RBFOX3: variants seen among roughly 807,000 people sequenced by gnomAD.
The protein encoded by RBFOX3 is RNA binding fox-1 homolog 3.
A neutral mutation model predicts 48.7 loss-of-function variants in RBFOX3; 17 were observed. The observed-to-expected ratio is 0.35, with a 90% CI of 0.24 to 0.52. The LOEUF (loss-of-function observed/expected upper bound fraction) is 0.52. RBFOX3 is among the 20% of genes least tolerant of loss of function. RBFOX3 has a pLI of 0.94. For synonymous variants in RBFOX3, 212 were observed against 209.5 expected, an observed-to-expected ratio of 1.01 and a Z score of -0.10; for missense variants, 382 against 497.5, an observed-to-expected ratio of 0.77 and a Z score of 2.21.
the RBFOX3 span, among the ~76,000 whole-genome samples, chr17:79,634,098 C>T: frequency 6.6e-6 from 1 of 152,224 alleles, no homozygotes; most frequent in Non-Finnish European, 1.5e-5. Flanking sequence ...GCATCCCATC[C>T]AGAGGTGGGA....
rs1001086577 is a variant in RBFOX3 at position 79,195,402 on chromosome 17, GA to G, written c.-34+40363del. 4.8e-4 allele frequency among the ~76,000 whole-genome samples: 70 copies of G among 144,944 alleles called. 1 individual carries two copies. The highest frequency in any genetic ancestry group is 1.0e-3 in the African/African-American group (40 of 39,706). On this transcript the variant is annotated intron_variant, in intron 4 of 14. Coordinates refer to ENST00000693108, the MANE Select transcript of RBFOX3 (RefSeq NM_001350451.2). This position sits in a 1 kb window ranked among gnomAD's most constrained non-coding sequence, Gnocchi z 5.3. ...GGGTGACAGAGTGAGACTCCATCTT[GA>G]AAAAAAAAAAGAAGAAGAAGAAATG...
chr17:79,463,200 T>TCGCCAC (rs1568294503), intron 2 of RBFOX3, among the ~76,000 whole-genome samples: 2 of 46,622 alleles, frequency 4.3e-5, no homozygotes. Flanking sequence ...GCCACCGCCA[T>TCGCCAC]CGCCACTGCC....
intron 3 of RBFOX3, among the ~76,000 whole-genome samples, chr17:79,282,019 G>T (rs759271644): frequency 1.3e-5 from 2 of 152,206 alleles, no homozygotes; most frequent in Non-Finnish European, 2.9e-5. Context: ...AACACTGAGG[G>T]GGCAGGGGAT....
Position 79,392,377 on chromosome 17 carries a change from G to A in RBFOX3, c.-174-84553C>T, listed in dbSNP as rs1218566054. ...TGATTTCACCGTCTTTCATTGTGGA[G>A]TTGTGAAGATTCATAAGCTAACTCT... is the stretch of plus-strand genomic sequence containing the variant. On this transcript the variant is annotated intron_variant, in intron 2 of 14. Coordinates refer to ENST00000693108, the MANE Select transcript of RBFOX3 (RefSeq NM_001350451.2). The surrounding 1 kb of genome is among the most constrained non-coding windows in gnomAD (Gnocchi z 5.0). 6.6e-6 allele frequency among the ~76,000 whole-genome samples: 1 copy of A among 152,212 alleles called. No individual in the cohort carries two copies. Among genetic ancestry groups the A allele is most frequent in the Non-Finnish European group, 1.5e-5 (1 of 68,046 alleles).
chr17:79,326,881 C>T (rs1201296367), intron 2 of RBFOX3, among the ~76,000 whole-genome samples: 1 of 152,252 alleles, frequency 6.6e-6, no homozygotes, highest in East Asian at 1.9e-4. Context: ...CTGAACCTGA[C>T]CACAGCCCAC....
chr17:79,520,991 C>G (rs1411684135), intron 1 of RBFOX3, among the ~76,000 whole-genome samples: 10 of 152,226 alleles, frequency 6.6e-5, no homozygotes, highest in African/African-American at 1.2e-4. Context: ...CAAGCCCTCC[C>G]GAGCAGGGAG....
At chr17:79,130,485 G>T (rs1482843265) in intron 4 of RBFOX3, among the ~76,000 whole-genome samples, 1 of 152,258 alleles carries the variant, frequency 6.6e-6, no homozygotes, top group Non-Finnish European at 1.5e-5. Context: ...TGTGGTCCCT[G>T]CCACCGCCCT....
intron 4 of RBFOX3, among the ~76,000 whole-genome samples, chr17:79,165,877 T>G (rs911291898): frequency 2.0e-5 from 3 of 152,110 alleles, no homozygotes; most frequent in African/African-American, 7.2e-5. Context: ...GCCCTGAGAT[T>G]GTGGGCATTC....
chr17:79,344,383 C>T (rs1253871337), intron 2 of RBFOX3, among the ~76,000 whole-genome samples: 1 of 152,074 alleles, frequency 6.6e-6, no homozygotes, highest in African/African-American at 2.4e-5. Flanking sequence ...CAAACAACCT[C>T]CGGCGATTCT....
chr17:79,455,591 ACACACG>A (rs1216332117), intron 2 of RBFOX3, among the ~76,000 whole-genome samples: 1 of 152,150 alleles, frequency 6.6e-6, no homozygotes, highest in Non-Finnish European at 1.5e-5. Context: ...GTGCACACAC[ACACACG>A]CACGCAGTCA....
the RBFOX3 span, among the ~76,000 whole-genome samples, chr17:79,652,182 A>G: frequency 6.6e-6 from 1 of 152,324 alleles, no homozygotes; most frequent in South Asian, 2.1e-4. Context: ...ATAGATAACT[A>G]GTACAAGTGT....
chr17:79,548,548 G>A (rs192445416), intron 1 of RBFOX3, among the ~76,000 whole-genome samples: 1 of 152,220 alleles, frequency 6.6e-6, no homozygotes, highest in Non-Finnish European at 1.5e-5. Flanking sequence ...CTAAGAGGCT[G>A]TCTCAGGAGG....
intron 1 of RBFOX3, among the ~76,000 whole-genome samples, chr17:79,590,782 C>T (rs1224715486): frequency 2.6e-5 from 4 of 152,274 alleles, no homozygotes; most frequent in African/African-American, 4.8e-5. Context: ...CTCACCAGAA[C>T]GAAAAGGAGA....
intron 4 of RBFOX3, among the ~76,000 whole-genome samples, chr17:79,149,988 GA>G (rs2043973560): frequency 2.7e-5 from 1 of 36,470 alleles, no homozygotes; most frequent in Non-Finnish European, 6.6e-5. Flanking sequence ...TGGGGATGGG[GA>G]TGGGGGTGGG....
chr17:79,656,778 G>GAGAGAGAGAGAGAGACAGAAAGAAAGA, the RBFOX3 span, among the ~76,000 whole-genome samples: 4 of 26,030 alleles, frequency 1.5e-4, no homozygotes, highest in Admixed American at 4.4e-4. Context: ...AGGAAGGAAG[G>GAGAGAGAGAGAGAGACAGAAAGAAAGA]AAAGAAAGAA....
intron 4 of RBFOX3, 96 bp downstream of exon 4, chr17:79,235,670 G>A (rs1036381818): frequency 2.0e-5 from 3 of 153,618 alleles, no homozygotes. Flanking sequence ...GGAAACCCCA[G>A]AAACTCCTGG....
chr17:79,150,691 C>T (rs1276476601), intron 4 of RBFOX3, among the ~76,000 whole-genome samples: 1 of 152,176 alleles, frequency 6.6e-6, no homozygotes, highest in Non-Finnish European at 1.5e-5. Context: ...CTCCCATCTC[C>T]TCCTTTCCCC....
intron 2 of RBFOX3, among the ~76,000 whole-genome samples, chr17:79,357,375 C>T (rs752167246): frequency 6.6e-6 from 1 of 152,216 alleles, no homozygotes; most frequent in Non-Finnish European, 1.5e-5. Context: ...CGCCTGTAAT[C>T]CCAGTACTTT....
intron 5 of RBFOX3, among the ~76,000 whole-genome samples, chr17:79,110,825 C>A (rs546834170): frequency 1.3e-5 from 2 of 152,370 alleles, no homozygotes; most frequent in Non-Finnish European, 2.9e-5. Context: ...CCGACTGACG[C>A]CTCATCCACT....
Sources: gnomAD v4.1 joint callset for allele counts (sites outside exome capture counted in the v4.1 genomes callset) on GRCh38, gnomAD v4.1.1 for gene constraint, Gnocchi (gnomAD v3.1) non-coding constraint, MANE v1.5 for transcripts, NCBI Gene and HGNC (gene_info 2026-07-23, HGNC 2026-07-21) for gene names.